The following MRC1 variants were observed in gnomAD, a reference collection of about 807,000 sequenced individuals.
MRC1 encodes macrophage mannose receptor 1.
Under a neutral mutation model 102.9 loss-of-function variants are expected in MRC1, and 62 were observed. That is an observed-to-expected ratio of 0.60 (90% CI 0.49 to 0.74). MRC1 has a LOEUF of 0.74. Among genes scored for constraint, MRC1 ranks in the 30% least tolerant of loss-of-function variants. The pLI is 0.00. For synonymous variants in MRC1, 457 were observed against 298.4 expected (o/e 1.53, Z -5.48); for missense variants, 1,237 against 862.8 (o/e 1.43, Z -5.43).
chr10:17,900,951 A>T lies in MRC1; in HGVS notation c.3647A>T (p.Asp1216Val), dbSNP rs1238033157. Residue 1216 changes from aspartate (D) to valine (V), a missense_variant and splice_region_variant, in exon 25 of 30, where the codon GAT becomes GTT. Physicochemically the swap from Asp to Val is radical, Grantham distance 152. Coordinates refer to ENST00000569591, the MANE Select transcript of MRC1 (RefSeq NM_002438.4). ...ESFYFLCKRS[D>V]EIPATEPPQL... ...TTTTACTTTCTCTGTAAAAGATCAG[A>T]TGGTAATTGAATATATAAAAACAGT... is the stretch of plus-strand genomic sequence containing the variant. 4 of 780,430 alleles carry T rather than the reference A, an allele frequency of 5.1e-6. No homozygotes were observed. Among genetic ancestry groups the T allele is most frequent in the Non-Finnish European group, 9.6e-6 (4 of 417,854 alleles). 48.3% of individuals were successfully genotyped at this position (780,430 alleles called of 1,614,324 possible). A position where few individuals can be genotyped will look rare whatever the true frequency, so the allele number is the denominator to read the frequency against.
At chr10:17,880,373 T>C (rs1481573871) in intron 19 of MRC1, 152 bp from the exon 20 acceptor site, 27 of 665,502 alleles carry the variant, frequency 4.1e-5, no homozygotes, top group Non-Finnish European at 6.0e-5. Flanking sequence ...AAAAGGATAT[T>C]GCATGGATAC....
intron 1 of MRC1, among the ~76,000 whole-genome samples, chr10:17,809,804 G>T (rs1341972707): frequency 6.6e-6 from 1 of 152,118 alleles, no homozygotes; most frequent in African/African-American, 2.4e-5. Context: ...TTCTCTCATC[G>T]CTCGTTGTTC....
At chr10:17,904,056 C>T (rs1304009385) in intron 26 of MRC1, among the ~76,000 whole-genome samples, 1 of 152,228 alleles carries the variant, frequency 6.6e-6, no homozygotes, top group East Asian at 1.9e-4. Flanking sequence ...CTCTGCCTTC[C>T]TCTGTGCTGT....
intron 21 of MRC1, among the ~76,000 whole-genome samples, chr10:17,882,361 A>G (rs905728202): frequency 6.6e-6 from 1 of 151,822 alleles, no homozygotes; most frequent in Non-Finnish European, 1.5e-5. Context: ...TTTAGGCTCA[A>G]AATTAGGGGG....
At chr10:17,888,224 C>T (rs1342750871) in intron 22 of MRC1, among the ~76,000 whole-genome samples, 1 of 152,150 alleles carries the variant, frequency 6.6e-6, no homozygotes, top group South Asian at 2.1e-4. Context: ...TGGATTGTAA[C>T]AGGTTTTCTG....
intron 22 of MRC1, 97 bp downstream of exon 22, chr10:17,885,532 ACTC>A (rs1198291947): frequency 2.7e-6 from 2 of 739,302 alleles, no homozygotes; most frequent in Non-Finnish European, 5.0e-6. Flanking sequence ...CTACCAGAAT[ACTC>A]CTTGATCTGT....
At chr10:17,875,311 T>C in intron 17 of MRC1, 58 bp downstream of exon 17, 1 of 773,274 alleles carries the variant, frequency 1.3e-6, no homozygotes, top group South Asian at 1.4e-5. Context: ...AGGTGTTGTT[T>C]GGTTGTATGG....
At chr10:17,876,183 G>T (rs1415619076) in intron 17 of MRC1, among the ~76,000 whole-genome samples, 1 of 152,042 alleles carries the variant, frequency 6.6e-6, no homozygotes, top group Admixed American at 6.6e-5. Flanking sequence ...AGAAGGAGGA[G>T]GTCATAACAC....
At chr10:17,821,263 T>C (rs1486945331) in intron 1 of MRC1, among the ~76,000 whole-genome samples, 1 of 152,174 alleles carries the variant, frequency 6.6e-6, no homozygotes, top group Non-Finnish European at 1.5e-5. Context: ...AAGACAGCAT[T>C]TAATGCGTAA....
intron 1 of MRC1, among the ~76,000 whole-genome samples, chr10:17,810,909 C>T (rs1379676492): frequency 4.6e-5 from 7 of 152,196 alleles, no homozygotes; most frequent in Non-Finnish European, 7.3e-5. Context: ...TCTCCTGCCT[C>T]GGCCTCCCAA....
intron 26 of MRC1, 54 bp downstream of exon 26, chr10:17,902,176 A>C (rs1833837907): frequency 1.3e-6 from 1 of 741,010 alleles, no homozygotes; most frequent in Admixed American, 2.0e-5. Flanking sequence ...TCTGGGGTCC[A>C]CTGACACTAT....
Position 17,849,661 on chromosome 10 carries a change from A to C in MRC1, c.1146A>C (p.Lys382Asn). 1.3e-6 allele frequency: 1 copy of C among 781,012 alleles called. No individual in the cohort carries two copies. Among genetic ancestry groups the C allele is most frequent in the East Asian group, 2.4e-5 (1 of 41,240 alleles). 48.4% of individuals were successfully genotyped at this position (781,012 alleles called of 1,614,324 possible). Reference protein sequence around the residue: ...HCYKIHRDEKKIQRDALTTCR... With the variant: ...HCYKIHRDEKNIQRDALTTCR... ...ACAAGATTCACAGAGATGAGAAAAA[A>C]ATCCAGAGGGATGCTCTGACCACCT... Residue 382 changes from lysine to asparagine, a missense_variant, in exon 7 of 30, where the codon AAA becomes AAC. Transcript: ENST00000569591.
At chr10:17,849,840 C>A in intron 7 of MRC1, 76 bp downstream of exon 7, 2 of 661,624 alleles carry the variant, frequency 3.0e-6, no homozygotes, top group Admixed American at 2.3e-5. Flanking sequence ...CTGGAAAATT[C>A]TATCATAAAC....
Position 17,825,093 on chromosome 10 carries a change from G to T in MRC1, c.463+1618G>T, listed in dbSNP as rs1012559218. Among the ~76,000 whole-genome samples, 5 of 152,202 alleles carry T rather than the reference G, an allele frequency of 3.3e-5. No homozygotes were observed. The South Asian group carries it at 8.3e-4, about 25-fold the overall frequency. ...TTGCATACTCCCCAAAGATCTCCCA[G>T]CACTTAAGATGATCCTGCTCCTCAG... is the stretch of plus-strand genomic sequence containing the variant. On this transcript the variant is annotated intron_variant, in intron 2 of 29. Coordinates refer to ENST00000569591, the MANE Select transcript of MRC1 (RefSeq NM_002438.4).
At position 17,823,468 on chromosome 10, in the gene MRC1, T is replaced by A. The variant is rs1387271172; in HGVS notation, c.456T>A (p.Gly152=). 1 of 780,550 alleles carries A rather than the reference T, an allele frequency of 1.3e-6. No individual in the cohort carries two copies. The highest frequency in any genetic ancestry group is 2.4e-6 in the Non-Finnish European group (1 of 417,918). The allele number at this position is 780,550 out of a possible 1,614,324, so 48.4% of individuals were successfully genotyped here. ...CCACAGACAATCTGTGCTCCAGAGG[T>A]TATGAAGGTAAGATGCCTGGAATTT... ...YGTTDNLCSR[G]YEAMYTLLGN... is the part of the protein sequence containing the mutation. Residue 152 remains glycine (G), a synonymous_variant, in exon 2 of 30, where the codon GGT becomes GGA. Transcript: ENST00000569591.
rs1234503747 is a variant in MRC1, at chr10:17,897,860, GA to G, written c.3251-168del. 7.2e-5 allele frequency among the ~76,000 whole-genome samples: 11 copies of G among 152,182 alleles called. No homozygotes were observed. The East Asian group carries it at 1.5e-3, about 21-fold the overall frequency. The stretch of plus-strand genomic sequence containing the variant: ...ATTTAATTTGATCAGGGATACTGAT[GA>G]AAAAATGTTTGTTTTCTAGTGTGAA... On this transcript the variant is annotated intron_variant, in intron 23 of 29. Transcript: ENST00000569591.
At position 17,823,468 on chromosome 10, in the gene MRC1, T is replaced by G. The variant is rs1387271172; in HGVS notation, c.456T>G (p.Gly152=). 1 of 780,668 alleles carries G rather than the reference T, an allele frequency of 1.3e-6. No individual in the cohort carries two copies. Among genetic ancestry groups the G allele is most frequent in the South Asian group, 1.3e-5 (1 of 74,610 alleles). 48.4% of individuals were successfully genotyped at this position (780,668 alleles called of 1,614,324 possible). A position where few individuals can be genotyped will look rare whatever the true frequency, so the allele number is the denominator to read the frequency against. Residue 152 remains glycine, a synonymous_variant, in exon 2 of 30, where the codon GGT becomes GGG. Coordinates refer to ENST00000569591, the MANE Select transcript of MRC1 (RefSeq NM_002438.4). The stretch of plus-strand genomic sequence containing the variant: ...CCACAGACAATCTGTGCTCCAGAGG[T>G]TATGAAGGTAAGATGCCTGGAATTT... ...YGTTDNLCSR[G]YEAMYTLLGN...
At chr10:17,817,887 A>C (rs946104165) in intron 1 of MRC1, among the ~76,000 whole-genome samples, 2 of 152,236 alleles carry the variant, frequency 1.3e-5, no homozygotes, top group African/African-American at 4.8e-5. Flanking sequence ...AAGAAGTATG[A>C]CATTTTAAGT....
chr10:17,813,746 G>A (rs868939837), intron 1 of MRC1, among the ~76,000 whole-genome samples: 5,712 of 146,726 alleles, frequency 0.039, 139 homozygotes, highest in Non-Finnish European at 0.049. Flanking sequence ...CATCCAGGCT[G>A]GAGTGCAGTG....
Sources: allele counts gnomAD v4.1 joint callset (sites outside exome capture counted in the v4.1 genomes callset), GRCh38; gene constraint gnomAD v4.1.1; transcripts MANE v1.5; gene names NCBI Gene and HGNC (gene_info 2026-07-23, HGNC 2026-07-21).